Variants in ATP6V0E1 observed in about 807,000 individuals in gnomAD.
The protein encoded by ATP6V0E1 is ATPase H+ transporting V0 subunit e1, also known as V-type proton ATPase subunit e 1.
In ATP6V0E1, 4 loss-of-function variants were observed where a neutral mutation model predicts 11.6. The ratio of observed to expected loss-of-function variants is 0.35; its 90% confidence interval spans 0.17 to 0.79. The LOEUF is 0.79. Ranked by LOEUF, ATP6V0E1 falls within the 30% of genes least tolerant of loss-of-function variation. ATP6V0E1 has a pLI of 0.54. For missense variants in ATP6V0E1, 105 were observed against 100.0 expected (o/e 1.05, Z -0.21); for synonymous variants, 36 against 34.8 (o/e 1.04, Z -0.13).
At chr5:173,015,445 C>T (rs1437454053) in intron 2 of ATP6V0E1, among the ~76,000 whole-genome samples, 4 of 152,094 alleles carry the variant, frequency 2.6e-5, no homozygotes, top group Admixed American at 6.6e-5. Context: ...GATCTAATCA[C>T]GAACCAAGGA....
chr5:173,011,258 G>T (rs190962834), intron 2 of ATP6V0E1, among the ~76,000 whole-genome samples: 8 of 146,940 alleles, frequency 5.4e-5, no homozygotes, highest in African/African-American at 1.8e-4. Flanking sequence ...CATAGCTCAC[G>T]GCAGCCTTGA....
chr5:173,013,492 G>A (rs998636080), intron 2 of ATP6V0E1, among the ~76,000 whole-genome samples: 4 of 149,392 alleles, frequency 2.7e-5, no homozygotes, highest in East Asian at 2.0e-4. Context: ...GGAGAATGGC[G>A]TGAACCCGGC....
chr5:173,028,897 GCTGCTA>G (rs1416685715), intron 3 of ATP6V0E1, among the ~76,000 whole-genome samples: 6 of 152,186 alleles, frequency 3.9e-5, no homozygotes, highest in African/African-American at 1.4e-4. Flanking sequence ...TGTGGGGTGT[GCTGCTA>G]CCATGGAATC....
chr5:173,020,181 G>A, intron 2 of ATP6V0E1, 57 bp from the exon 3 acceptor site: 3 of 1,376,678 alleles, frequency 2.2e-6, no homozygotes, highest in Non-Finnish European at 3.1e-6. Flanking sequence ...AATTGAAAAT[G>A]GTCATGTTCC....
intron 3 of ATP6V0E1, among the ~76,000 whole-genome samples, chr5:173,032,040 G>C (rs1269399552): frequency 6.6e-6 from 1 of 151,782 alleles, no homozygotes; most frequent in Non-Finnish European, 1.5e-5. Context: ...TGTAGTCCTA[G>C]CTACTTGGGA....
intron 3 of ATP6V0E1, among the ~76,000 whole-genome samples, chr5:173,030,873 C>T (rs920821426): frequency 1.3e-5 from 2 of 152,058 alleles, no homozygotes; most frequent in Admixed American, 6.6e-5. Flanking sequence ...CTCAGCCTCC[C>T]GTATAGCTGG....
chr5:173,029,657 TTTTTGTTTTGTTTTGTTTTGCTTTTCTG>T (rs1470202037), intron 3 of ATP6V0E1, among the ~76,000 whole-genome samples: 3 of 152,128 alleles, frequency 2.0e-5, no homozygotes, highest in Non-Finnish European at 4.4e-5. Flanking sequence ...GCAGCAGGAT[TTTTTGTTTTGTTTTGTTTTGCTTTTCTG>T]TTTTGTTTTG....
At chr5:173,009,589 G>A (rs903407140) in intron 2 of ATP6V0E1, among the ~76,000 whole-genome samples, 2 of 141,658 alleles carry the variant, frequency 1.4e-5, no homozygotes, top group African/African-American at 2.7e-5. Flanking sequence ...CTCAGCCTCC[G>A]GAGTAGCTGG....
At chr5:173,023,641 T>C (rs1756515893) in intron 3 of ATP6V0E1, among the ~76,000 whole-genome samples, 1 of 152,190 alleles carries the variant, frequency 6.6e-6, no homozygotes, top group Non-Finnish European at 1.5e-5. Context: ...GCCCAGGAGT[T>C]CGAGACCAGC....
intron 1 of ATP6V0E1, among the ~76,000 whole-genome samples, chr5:172,987,717 A>AT (rs111856900): frequency 0.084 from 12,286 of 146,164 alleles, 659 homozygotes; most frequent in African/African-American, 0.15. Context: ...CAGCTATATA[A>AT]TTTTTTTTTT....
rs766658031 is a variant in ATP6V0E1, at chr5:172,984,114, T to C, written c.104+150T>C. On this transcript the variant is annotated intron_variant, in intron 1 of 3. Transcript: ENST00000519374. ...CAGGCCCCCGACCCGGCGGAACTCC[T>C]TGTGTTCCTTTTCGCAGCAGCTTCA... 1.3e-4 allele frequency: 98 copies of C among 731,072 alleles called. 2 individuals are homozygous for C. In the Admixed American group the frequency reaches 1.9e-3, roughly 14 times the overall value. The allele number at this position is 731,072 out of a possible 1,614,324, so 45.3% of individuals were successfully genotyped here.
chr5:173,000,697 AGT>A (rs1756138197), intron 2 of ATP6V0E1, among the ~76,000 whole-genome samples: 2 of 146,614 alleles, frequency 1.4e-5, no homozygotes, highest in African/African-American at 5.2e-5. Context: ...TAATATTATC[AGT>A]GATTTTTTTT....
At chr5:172,995,841 T>A (rs930093068) in intron 2 of ATP6V0E1, among the ~76,000 whole-genome samples, 1 of 152,146 alleles carries the variant, frequency 6.6e-6, no homozygotes, top group Non-Finnish European at 1.5e-5. Flanking sequence ...CTTGAACTCC[T>A]GGCCTCAGTG....
intron 2 of ATP6V0E1, among the ~76,000 whole-genome samples, chr5:173,001,373 A>T (rs73803694): frequency 0.022 from 3,291 of 152,094 alleles, 123 homozygotes; most frequent in African/African-American, 0.074. Flanking sequence ...CTCAGTTATG[A>T]CCTCAGAAGA....
intron 2 of ATP6V0E1, among the ~76,000 whole-genome samples, chr5:173,002,692 A>G (rs1482158129): frequency 6.6e-6 from 1 of 152,224 alleles, no homozygotes; most frequent in Non-Finnish European, 1.5e-5. Flanking sequence ...TAGCTAGACT[A>G]TATCCAAAAT....
chr5:173,008,691 C>T (rs1465584941), intron 2 of ATP6V0E1, among the ~76,000 whole-genome samples: 31 of 148,464 alleles, frequency 2.1e-4, no homozygotes, highest in African/African-American at 6.6e-4. Flanking sequence ...GGGCGGATCA[C>T]GAGGTCAGGA....
At chr5:173,011,784 T>G (rs937334536) in intron 2 of ATP6V0E1, among the ~76,000 whole-genome samples, 1 of 152,168 alleles carries the variant, frequency 6.6e-6, no homozygotes, top group African/African-American at 2.4e-5. Context: ...CGGGCAAACA[T>G]GAAAGGTACA....
intron 1 of ATP6V0E1, among the ~76,000 whole-genome samples, chr5:172,991,782 C>A (rs1755980864): frequency 6.6e-6 from 1 of 152,126 alleles, no homozygotes; most frequent in Non-Finnish European, 1.5e-5. Flanking sequence ...CCAACTCTTA[C>A]TACCTGCACT....
At chr5:172,986,757 T>C (rs1356692077) in intron 1 of ATP6V0E1, 3 of 444,802 alleles carry the variant, frequency 6.7e-6, no homozygotes, top group Non-Finnish European at 1.3e-5. Context: ...ATGGGGAAGA[T>C]AAGGTTGGTT....
Sources: gnomAD v4.1 joint callset for allele counts (sites outside exome capture counted in the v4.1 genomes callset) on GRCh38, gnomAD v4.1.1 for gene constraint, MANE v1.5 for transcripts, NCBI Gene and HGNC (gene_info 2026-07-23, HGNC 2026-07-21) for gene names.